RPH3A: variants seen among roughly 807,000 people sequenced by gnomAD.
RPH3A encodes the protein rabphilin-3A.
A neutral mutation model predicts 102.2 loss-of-function variants in RPH3A; 48 were observed. The observed-to-expected ratio is 0.47, with a 90% CI of 0.37 to 0.60. The LOEUF is 0.60. Among genes scored for constraint, RPH3A ranks in the 20% least tolerant of loss-of-function variants. The pLI is 0.00. For missense variants in RPH3A, 781 were observed against 910.1 expected (o/e 0.86, Z 1.83); for synonymous variants, 310 against 324.3 (o/e 0.96, Z 0.47).
chr12:112,605,557 C>A (rs1165251576), intron 1 of RPH3A, among the ~76,000 whole-genome samples: 2 of 152,206 alleles, frequency 1.3e-5, no homozygotes. Flanking sequence ...GCTCCATACT[C>A]TTCACTGAAC....
chr12:112,868,725 C>T, intron 8 of RPH3A, 130 bp downstream of exon 8: 2 of 910,056 alleles, frequency 2.2e-6, no homozygotes, highest in South Asian at 3.5e-5. Context: ...GCACTTGGGT[C>T]TAGGACTCCT....
chr12:112,708,754 G>A (rs1436110648), intron 1 of RPH3A, among the ~76,000 whole-genome samples: 1 of 152,104 alleles, frequency 6.6e-6, no homozygotes, highest in Non-Finnish European at 1.5e-5. Context: ...GCGCCCAGGG[G>A]ATCGGAGCCT....
chr12:112,735,983 C>T (rs1488953513), intron 1 of RPH3A, among the ~76,000 whole-genome samples: 1 of 152,140 alleles, frequency 6.6e-6, no homozygotes, highest in African/African-American at 2.4e-5. Context: ...CGTGCCTTGC[C>T]CTTTACTTTC....
At chr12:112,584,491 T>A (rs2039423960) in intron 1 of RPH3A, among the ~76,000 whole-genome samples, 1 of 152,166 alleles carries the variant, frequency 6.6e-6, no homozygotes, top group Non-Finnish European at 1.5e-5. Context: ...TCACATGGTC[T>A]ACTTCTGATC....
intron 5 of RPH3A, 27 bp downstream of exon 5, chr12:112,847,869 C>T (rs1182737629): frequency 6.2e-7 from 1 of 1,609,930 alleles, no homozygotes; most frequent in African/African-American, 1.3e-5. Flanking sequence ...CCCATTCACC[C>T]CAGAGCTGCT....
At chr12:112,708,857 CT>C (rs1157441216) in intron 1 of RPH3A, among the ~76,000 whole-genome samples, 4 of 152,260 alleles carry the variant, frequency 2.6e-5, no homozygotes, top group East Asian at 1.9e-4. Context: ...CCTTTGTTTT[CT>C]TTCTCTCCCA....
chr12:112,704,442 G>A (rs917085390), intron 1 of RPH3A, among the ~76,000 whole-genome samples: 4 of 152,178 alleles, frequency 2.6e-5, no homozygotes, highest in South Asian at 4.1e-4. Context: ...GAGAGACAGA[G>A]GGAAGGTGGC....
chr12:112,781,508 A>G (rs1267433540), intron 1 of RPH3A, among the ~76,000 whole-genome samples: 4 of 152,154 alleles, frequency 2.6e-5, no homozygotes, highest in South Asian at 2.1e-4. Context: ...GTTCGGGACC[A>G]TGAGAGAGCC....
intron 1 of RPH3A, among the ~76,000 whole-genome samples, chr12:112,781,912 T>C (rs985045304): frequency 6.6e-6 from 1 of 152,212 alleles, no homozygotes; most frequent in African/African-American, 2.4e-5. Flanking sequence ...CAGAATCCCT[T>C]AGTTACTGAC....
chr12:112,672,458 G>T (rs528761712), intron 1 of RPH3A, among the ~76,000 whole-genome samples: 1 of 152,344 alleles, frequency 6.6e-6, no homozygotes, highest in East Asian at 1.9e-4. Flanking sequence ...TACCAGTTTT[G>T]CTGGTGACTC....
At chr12:112,699,622 T>C (rs1156431460) in intron 1 of RPH3A, among the ~76,000 whole-genome samples, 1 of 151,636 alleles carries the variant, frequency 6.6e-6, no homozygotes, top group Admixed American at 6.6e-5. Flanking sequence ...TGGGGGTGGG[T>C]TTGATGAGAA....
intron 4 of RPH3A, among the ~76,000 whole-genome samples, chr12:112,847,060 G>A (rs905448037): frequency 5.3e-5 from 8 of 152,318 alleles, no homozygotes; most frequent in Non-Finnish European, 1.0e-4. Flanking sequence ...CAGGCACACA[G>A]GGGACTTACA....
chr12:112,883,083 C>G (rs7963258), intron 15 of RPH3A, among the ~76,000 whole-genome samples: 69,119 of 151,886 alleles, frequency 0.46, 16,183 homozygotes, highest in East Asian at 0.59. Context: ...GGAGAGGGGA[C>G]CCAGTGTCAA....
chr12:112,829,984 T>C (rs2041941464), intron 3 of RPH3A, among the ~76,000 whole-genome samples: 1 of 152,216 alleles, frequency 6.6e-6, no homozygotes, highest in Non-Finnish European at 1.5e-5. Context: ...GAGATTGAAA[T>C]GGGAATGCCT....
At chr12:112,781,609 T>C (rs2041007980) in intron 1 of RPH3A, among the ~76,000 whole-genome samples, 1 of 152,230 alleles carries the variant, frequency 6.6e-6, no homozygotes, top group Non-Finnish European at 1.5e-5. Context: ...CAGTGAGCTA[T>C]TGGCGTTGGC....
At chr12:112,827,353 G>A (rs139579470) in intron 2 of RPH3A, among the ~76,000 whole-genome samples, 76 of 152,228 alleles carry the variant, frequency 5.0e-4, no homozygotes, top group African/African-American at 1.4e-3. Flanking sequence ...TCATGTTTTC[G>A]AGGTTCACCT....
chr12:112,835,257 T>A (rs754798174), intron 3 of RPH3A, among the ~76,000 whole-genome samples: 59 of 152,256 alleles, frequency 3.9e-4, no homozygotes, highest in Non-Finnish European at 7.8e-4. Context: ...CTTTTCATGA[T>A]GTCTTCTTGC....
chr12:112,652,533 T>A (rs232922), intron 1 of RPH3A, among the ~76,000 whole-genome samples: 132,562 of 152,134 alleles, frequency 0.87, 58,097 homozygotes, highest in East Asian at 0.98. Context: ...ATGGGGCCAG[T>A]GTGGATGAGG....
At chr12:112,606,931 C>A (rs1392277572) in intron 1 of RPH3A, among the ~76,000 whole-genome samples, 1 of 152,160 alleles carries the variant, frequency 6.6e-6, no homozygotes, top group Non-Finnish European at 1.5e-5. Flanking sequence ...GGACACAGAT[C>A]CAAACCACAT....
Sources: gnomAD v4.1 joint callset for allele counts (sites outside exome capture counted in the v4.1 genomes callset) on GRCh38, gnomAD v4.1.1 for gene constraint, MANE v1.5 for transcripts, NCBI Gene and HGNC (gene_info 2026-07-23, HGNC 2026-07-21) for gene names.